Variants in ARID1B observed in about 807,000 individuals in gnomAD.
ARID1B encodes the protein AT-rich interaction domain 1B, also known as AT-rich interactive domain-containing protein 1B.
Under a neutral mutation model 212.3 loss-of-function variants are expected in ARID1B, and 30 were observed. The observed-to-expected ratio is 0.14, with a 90% CI of 0.11 to 0.19. ARID1B has a LOEUF of 0.19. ARID1B is among the 10% of genes least tolerant of loss of function. The pLI is 1.00. For synonymous variants in ARID1B, 1,402 were observed against 1,301.7 expected (o/e 1.08, Z -1.66); for missense variants, 2,891 against 3,204.0 (o/e 0.90, Z 2.36).
At chr6:157,122,339 A>G (rs1271308423) in intron 6 of ARID1B, among the ~76,000 whole-genome samples, 1 of 152,256 alleles carries the variant, frequency 6.6e-6, no homozygotes, top group Non-Finnish European at 1.5e-5. Flanking sequence ...ACTATTCACA[A>G]GAGAATGCCC....
chr6:157,151,394 A>G (rs1790189234), intron 8 of ARID1B: 9 of 152,192 alleles, frequency 5.9e-5, no homozygotes, highest in Admixed American at 5.9e-4. Context: ...GAGGAGTTTC[A>G]TTATATCACC....
intron 19 of ARID1B, chr6:157,204,206 C>CT: frequency 3.7e-6 from 2 of 540,948 alleles, no homozygotes; most frequent in Non-Finnish European, 3.2e-6. Context: ...ACACATACCT[C>CT]TATTTCTTAT....
At chr6:156,816,963 C>G (rs996350828) in intron 1 of ARID1B, among the ~76,000 whole-genome samples, 1 of 151,930 alleles carries the variant, frequency 6.6e-6, no homozygotes, top group African/African-American at 2.4e-5. Flanking sequence ...TCTAACAGTC[C>G]ACATTCTTTT....
intron 4 of ARID1B, chr6:157,024,116 G>C (rs566112122): frequency 6.6e-6 from 1 of 152,344 alleles, no homozygotes; most frequent in East Asian, 1.9e-4. Context: ...AGAAAGATTT[G>C]TCTTCCAACA....
intron 13 of ARID1B, chr6:157,186,224 G>A (rs1792963507): frequency 3.0e-6 from 1 of 337,538 alleles, no homozygotes; most frequent in African/African-American, 2.2e-5. Flanking sequence ...AAAGTGGAGG[G>A]CCTGTTCTCT....
intron 6 of ARID1B, among the ~76,000 whole-genome samples, chr6:157,127,805 A>AAC (rs1491208811): frequency 1.4e-5 from 2 of 143,546 alleles, no homozygotes; most frequent in Non-Finnish European, 1.5e-5. Context: ...AAAAAAAAAA[A>AAC]ACAAAAATTA....
intron 9 of ARID1B, among the ~76,000 whole-genome samples, chr6:157,170,720 G>A (rs1022799856): frequency 2.4e-4 from 36 of 152,086 alleles, no homozygotes; most frequent in African/African-American, 8.5e-4. Context: ...GCAATGATGG[G>A]GTATGCAGGG....
chr6:156,827,075 A>C (rs942368592), intron 1 of ARID1B, among the ~76,000 whole-genome samples: 2 of 152,182 alleles, frequency 1.3e-5, no homozygotes. Context: ...CTGGAGATAT[A>C]ATAGTGAATA....
Position 157,206,946 on chromosome 6 carries a change from G to A in ARID1B, c.6174G>A (p.Ala2058=), listed in dbSNP as rs372334858. ...ACGAGACTCCTCTGTGTACCATCGC[G>A]CACTGGCAGGACTCGCTGGCTAAGC... is the stretch of plus-strand genomic sequence containing the variant. The part of the protein sequence containing the change: ...SRDETPLCTI[A]HWQDSLAKRC... The change falls in exon 20 of 20, where the codon GCG becomes GCA. Residue 2058 remains alanine, a synonymous_variant. Coordinates refer to ENST00000636930, the MANE Select transcript of ARID1B (RefSeq NM_001374828.1). The surrounding 1 kb of genome is among the most constrained non-coding windows in gnomAD (Gnocchi z 6.8). 1.8e-4 allele frequency: 283 copies of A among 1,614,076 alleles called. No individual in the cohort carries two copies. The highest frequency in any genetic ancestry group is 2.3e-4 in the Non-Finnish European group (268 of 1,180,038).
chr6:157,044,855 A>C (rs144829899), intron 4 of ARID1B, among the ~76,000 whole-genome samples: 60 of 152,330 alleles, frequency 3.9e-4, no homozygotes, highest in African/African-American at 1.3e-3. Context: ...ACACTGCCAC[A>C]GTGCATAGAG....
intron 4 of ARID1B, among the ~76,000 whole-genome samples, chr6:157,029,616 T>G (rs1040300064): frequency 1.3e-5 from 2 of 152,188 alleles, no homozygotes; most frequent in African/African-American, 4.8e-5. Flanking sequence ...GAGGAGTGAT[T>G]GGTACGACAG....
rs1778841230 is a variant in ARID1B at position 156,778,390 on chromosome 6, T to C, written c.710T>C (p.Met237Thr). The C allele has an allele frequency of 3.3e-6, 5 of 1,532,210 alleles. No homozygotes were observed. The highest frequency in any genetic ancestry group is 3.5e-6 in the Non-Finnish European group (4 of 1,144,354). 94.9% of individuals were successfully genotyped at this position (1,532,210 alleles called of 1,614,324 possible). ...GGGAPQPGPD[M>T]EQPQHGGAKD... ...GGCGCGCCTCAGCCCGGCCCCGACA[T>C]GGAGCAGCCGCAACATGGAGGCGCC... The change falls in exon 1 of 20, where the codon ATG (methionine) becomes ACG (threonine). Residue 237 changes from methionine to threonine, a missense_variant. By Grantham distance (81) the Met-to-Thr change is moderately conservative. Transcript: ENST00000636930.
chr6:157,171,680 T>G (rs528465596), intron 9 of ARID1B, among the ~76,000 whole-genome samples: 1 of 152,338 alleles, frequency 6.6e-6, no homozygotes, highest in African/African-American at 2.4e-5. Flanking sequence ...ACAGTGCCAC[T>G]TTTGATAATT....
chr6:156,927,851 G>T (rs988249720), intron 3 of ARID1B, among the ~76,000 whole-genome samples: 1 of 152,296 alleles, frequency 6.6e-6, no homozygotes, highest in East Asian at 1.9e-4. Context: ...GGGAATCCAA[G>T]ACGATAGCAT....
intron 4 of ARID1B, among the ~76,000 whole-genome samples, chr6:157,049,480 T>G (rs1456914504): frequency 6.6e-6 from 1 of 152,168 alleles, no homozygotes; most frequent in Non-Finnish European, 1.5e-5. Context: ...ACAGGAGATT[T>G]CTTTTTTTTC....
intron 2 of ARID1B, among the ~76,000 whole-genome samples, chr6:156,830,251 G>T (rs577649650): frequency 6.6e-6 from 1 of 152,292 alleles, no homozygotes; most frequent in South Asian, 2.1e-4. Context: ...TCGCCATACC[G>T]TACCTAAGCC....
At chr6:157,204,539 T>C (rs934241006) in intron 19 of ARID1B, 2 of 152,416 alleles carry the variant, frequency 1.3e-5, no homozygotes, top group African/African-American at 4.8e-5. Context: ...TCAGCTAAAA[T>C]AGTTATGAAC....
intron 1 of ARID1B, among the ~76,000 whole-genome samples, chr6:156,821,811 AC>A (rs2128017836): frequency 1.3e-5 from 2 of 152,324 alleles, no homozygotes; most frequent in East Asian, 3.9e-4. Flanking sequence ...TTCCACAAAT[AC>A]ATATGTTCTC....
At chr6:156,780,155 T>C (rs1313780981) in intron 1 of ARID1B, among the ~76,000 whole-genome samples, 5 of 152,284 alleles carry the variant, frequency 3.3e-5, no homozygotes, top group Admixed American at 1.3e-4. Context: ...ATTCGTTCCT[T>C]AGAATAGCCA....
Sources: gnomAD v4.1 joint callset for allele counts (sites outside exome capture counted in the v4.1 genomes callset) on GRCh38, gnomAD v4.1.1 for gene constraint, Gnocchi (gnomAD v3.1) non-coding constraint, MANE v1.5 for transcripts, NCBI Gene and HGNC (gene_info 2026-07-23, HGNC 2026-07-21) for gene names.